Variants in C1orf105 observed in about 807,000 individuals in gnomAD.
C1orf105 encodes the protein uncharacterized protein C1orf105.
In C1orf105, 17 loss-of-function variants were observed where a neutral mutation model predicts 20.8. That is an observed-to-expected ratio of 0.82 (90% CI 0.56 to 1.23). The LOEUF (loss-of-function observed/expected upper bound fraction) is 1.23, where lower values mean the gene tolerates loss of function less well. C1orf105 is among the 50% of genes most tolerant of loss of function. The pLI is 0.00. For synonymous variants in C1orf105, 72 were observed against 72.1 expected (o/e 1.00, Z 0.01); for missense variants, 219 against 213.5 (o/e 1.03, Z -0.16).
chr1:172,447,283 T>A (rs891278827), intron 2 of C1orf105, among the ~76,000 whole-genome samples: 3 of 152,186 alleles, frequency 2.0e-5, no homozygotes, highest in African/African-American at 7.2e-5. Context: ...CTCAGAGTAA[T>A]TCCAAGTGTG....
In C1orf105 at chr1:172,450,508, T is replaced by G. The variant is rs190449979; in HGVS notation, c.198+1977T>G. 1.5e-3 allele frequency among the ~76,000 whole-genome samples: 228 copies of G among 152,322 alleles called. 1 individual carries two copies. The highest frequency in any genetic ancestry group is 5.2e-3 in the African/African-American group (216 of 41,570). On this transcript the variant is annotated intron_variant, in intron 3 of 6. Transcript: ENST00000367727. Reference sequence around the variant, plus strand: ...GCTCCCTTCTGGAAAGAAACTGTTGTGTTTCAAGGGAGTAGAATGTACTGT... The same window carrying G: ...GCTCCCTTCTGGAAAGAAACTGTTGGGTTTCAAGGGAGTAGAATGTACTGT...
chr1:172,426,424 T>C (rs1193205762), intron 1 of C1orf105, among the ~76,000 whole-genome samples: 4 of 152,222 alleles, frequency 2.6e-5, no homozygotes, highest in Non-Finnish European at 5.9e-5. Context: ...TTCTCCCTTA[T>C]TTCTTGATGA....
chr1:172,458,142 A>G (rs1162158476), intron 4 of C1orf105, among the ~76,000 whole-genome samples: 1 of 152,238 alleles, frequency 6.6e-6, no homozygotes, highest in African/African-American at 2.4e-5. Context: ...AAAAGACTGG[A>G]TACTTTCCCC....
intron 1 of C1orf105, among the ~76,000 whole-genome samples, chr1:172,425,940 C>T (rs2071711301): frequency 6.8e-6 from 1 of 147,312 alleles, no homozygotes; most frequent in East Asian, 2.2e-4. Context: ...GAACTTATGT[C>T]ATTAACCTTT....
At chr1:172,444,043 G>T (rs751194993) in intron 1 of C1orf105, 26 of 999,654 alleles carry the variant, frequency 2.6e-5, no homozygotes, top group Non-Finnish European at 3.1e-5. Flanking sequence ...CCTTTTTCCC[G>T]CTTCGGGGCG....
At chr1:172,433,110 GA>G (rs2071923743) in intron 1 of C1orf105, among the ~76,000 whole-genome samples, 1 of 152,308 alleles carries the variant, frequency 6.6e-6, no homozygotes, top group African/African-American at 2.4e-5. Context: ...AGAAATATGG[GA>G]CTATGTGAAA....
intron 5 of C1orf105, among the ~76,000 whole-genome samples, chr1:172,464,645 T>G (rs1275901032): frequency 1.9e-4 from 1 of 5,222 alleles, no homozygotes; most frequent in African/African-American, 3.8e-4. Flanking sequence ...AAGAGTTCTG[T>G]TTTTTTTTTT....
At chr1:172,424,102 G>A (rs951550734) in intron 1 of C1orf105, among the ~76,000 whole-genome samples, 1 of 152,122 alleles carries the variant, frequency 6.6e-6, no homozygotes, top group Non-Finnish European at 1.5e-5. Flanking sequence ...TCCCATCCTC[G>A]GTTTTTAATC....
intron 1 of C1orf105, among the ~76,000 whole-genome samples, chr1:172,423,418 C>G (rs1192199363): frequency 6.6e-6 from 1 of 152,200 alleles, no homozygotes; most frequent in Non-Finnish European, 1.5e-5. Context: ...AGAGCCACAG[C>G]GTTACTGGGC....
intron 4 of C1orf105, among the ~76,000 whole-genome samples, chr1:172,461,343 C>T (rs373748210): frequency 6.6e-6 from 1 of 152,184 alleles, no homozygotes; most frequent in South Asian, 2.1e-4. Flanking sequence ...TTTGTTATGT[C>T]ATAAACTTAA....
intron 5 of C1orf105, among the ~76,000 whole-genome samples, chr1:172,463,715 T>A (rs934373653): frequency 6.6e-6 from 1 of 152,256 alleles, no homozygotes; most frequent in African/African-American, 2.4e-5. Flanking sequence ...TTGCAAGTTT[T>A]GTACTTTATT....
chr1:172,444,057 G>A (rs958140438), intron 1 of C1orf105: 66 of 999,196 alleles, frequency 6.6e-5, no homozygotes, highest in Non-Finnish European at 7.6e-5. Flanking sequence ...CGGGGCGCCG[G>A]GGCTGCGACT....
chr1:172,429,277 C>T (rs958589273), intron 1 of C1orf105, among the ~76,000 whole-genome samples: 3 of 152,092 alleles, frequency 2.0e-5, no homozygotes, highest in African/African-American at 7.2e-5. Flanking sequence ...CACATACACA[C>T]ACAACGTGCA....
intron 1 of C1orf105, among the ~76,000 whole-genome samples, chr1:172,437,004 T>C (rs1302713480): frequency 6.6e-6 from 1 of 152,178 alleles, no homozygotes; most frequent in Non-Finnish European, 1.5e-5. Context: ...TCATCACTGG[T>C]CATCAGAGAA....
At chr1:172,427,580 C>G (rs1219260467) in intron 1 of C1orf105, among the ~76,000 whole-genome samples, 2 of 152,160 alleles carry the variant, frequency 1.3e-5, no homozygotes, top group Non-Finnish European at 2.9e-5. Context: ...TTCCAGCACT[C>G]CAACAAAAAC....
At position 172,448,508 on chromosome 1, in the gene C1orf105, C is replaced by A; in HGVS notation, c.175C>A (p.Gln59Lys). 6.2e-7 allele frequency: 1 copy of A among 1,612,556 alleles called. No homozygotes were observed. Among genetic ancestry groups the A allele is most frequent in the South Asian group, 1.1e-5 (1 of 91,024 alleles). Residue 59 changes from glutamine (Q) to lysine (K), a missense_variant, in exon 3 of 7, where the codon CAA becomes AAA. Transcript: ENST00000367727. Reference protein sequence around the residue: ...KKNMNLPILFQVPDVLSKARR... With the variant: ...KKNMNLPILFKVPDVLSKARR... ...GAATATGAATTTGCCAATTTTGTTT[C>A]AAGTTCCAGATGTTTTATCTAAGGT...
chr1:172,461,136 C>A (rs1203871829), intron 4 of C1orf105, among the ~76,000 whole-genome samples: 3 of 152,166 alleles, frequency 2.0e-5, no homozygotes, highest in Non-Finnish European at 4.4e-5. Flanking sequence ...GCCTTGGCTG[C>A]CCCCACTATG....
At chr1:172,432,974 C>A (rs1283704795) in intron 1 of C1orf105, among the ~76,000 whole-genome samples, 1 of 152,164 alleles carries the variant, frequency 6.6e-6, no homozygotes, top group East Asian at 1.9e-4. Context: ...GATGCATACA[C>A]AAGCTTCAAT....
chr1:172,430,372 G>C (rs1292643059), intron 1 of C1orf105: 1 of 658,982 alleles, frequency 1.5e-6, no homozygotes, highest in African/African-American at 1.8e-5. Flanking sequence ...AGCAGTTAAG[G>C]GCTCTGGATT....
Sources: allele counts gnomAD v4.1 joint callset (sites outside exome capture counted in the v4.1 genomes callset), GRCh38; gene constraint gnomAD v4.1.1; transcripts MANE v1.5; gene names NCBI Gene and HGNC (gene_info 2026-07-23, HGNC 2026-07-21).